Variants in FGF9 observed in about 807,000 individuals in gnomAD.
The protein encoded by FGF9 is fibroblast growth factor 9, also known as fibroblast growth factor 9 (glia-activating factor).
A neutral mutation model predicts 19.9 loss-of-function variants in FGF9; 3 were observed. The ratio of observed to expected loss-of-function variants is 0.15; its 90% CI spans 0.07 to 0.39. FGF9 has a LOEUF of 0.39. Ranked by LOEUF, FGF9 falls within the 10% of genes least tolerant of loss-of-function variation. The pLI is 1.00. For missense variants in FGF9, 175 were observed against 256.8 expected (o/e 0.68, Z 2.18); for synonymous variants, 107 against 106.9 (o/e 1.00, Z -0.01).
Position 21,672,279 on chromosome 13 carries a change from G to A in FGF9, c.277+90G>A. The stretch of plus-strand genomic sequence containing the variant: ...GGTGGTGGCCGGGTGGGGGACGTGG[G>A]AAGGGTTCTCCCCTCCTCCCCTCTT... On this transcript the variant is annotated intron_variant, in intron 1 of 2. Coordinates refer to ENST00000382353, the MANE Select transcript of FGF9 (RefSeq NM_002010.3). The surrounding 1 kb of genome is among the most constrained non-coding windows in gnomAD (Gnocchi z 4.2). 7.1e-7 allele frequency: 1 copy of A among 1,411,250 alleles called. No homozygotes were observed. Among genetic ancestry groups the A allele is most frequent in the Non-Finnish European group, 1.0e-6 (1 of 1,000,370 alleles). The allele number at this position is 1,411,250 out of a possible 1,614,324, so 87.4% of individuals were successfully genotyped here.
intron 2 of FGF9, among the ~76,000 whole-genome samples, chr13:21,698,522 T>C (rs1263909314): frequency 1.3e-5 from 2 of 152,178 alleles, no homozygotes; most frequent in Non-Finnish European, 2.9e-5. Context: ...GAGAACCAGT[T>C]GTAAAGCCCT....
intron 2 of FGF9, among the ~76,000 whole-genome samples, chr13:21,687,491 A>G (rs984645174): frequency 6.6e-6 from 1 of 152,226 alleles, no homozygotes; most frequent in Non-Finnish European, 1.5e-5. Flanking sequence ...AGATCAGTAA[A>G]ATGCACACTG....
Position 21,672,225 on chromosome 13 carries a change from T to C in FGF9, c.277+36T>C, listed in dbSNP as rs762853616. ...CATTAACCCTTTAGTGTCCATGAGA[T>C]GACATGTTGAAATTATAACTACCAA... On this transcript the variant is annotated intron_variant, in intron 1 of 2. Transcript: ENST00000382353. The surrounding 1 kb of genome is among the most constrained non-coding windows in gnomAD (Gnocchi z 4.2). 1 of 1,612,870 alleles carries C rather than the reference T, an allele frequency of 6.2e-7. No homozygotes were observed. Among genetic ancestry groups the C allele is most frequent in the Non-Finnish European group, 8.5e-7 (1 of 1,179,112 alleles).
At chr13:21,677,600 C>T (rs1871946820) in intron 1 of FGF9, among the ~76,000 whole-genome samples, 1 of 152,158 alleles carries the variant, frequency 6.6e-6, no homozygotes, top group African/African-American at 2.4e-5. Flanking sequence ...GATGAGGTTT[C>T]TGGTCTGGTT....
intron 2 of FGF9, among the ~76,000 whole-genome samples, chr13:21,698,072 T>A (rs1319751658): frequency 1.3e-5 from 2 of 152,188 alleles, no homozygotes; most frequent in East Asian, 1.9e-4. Context: ...CCTCCCAAAG[T>A]GCTGGGATTA....
chr13:21,679,381 G>T (rs1307316724), intron 1 of FGF9, among the ~76,000 whole-genome samples: 1 of 152,094 alleles, frequency 6.6e-6, no homozygotes, highest in African/African-American at 2.4e-5. Flanking sequence ...TTTGATTGCA[G>T]TACCAGTGTA....
At position 21,671,461 on chromosome 13, in the gene FGF9, A is replaced by T. The variant is rs886050041; in HGVS notation, c.-452A>T. The T allele has an allele frequency of 2.3e-6, 1 of 435,122 alleles. No homozygotes were observed. Among genetic ancestry groups the T allele is most frequent in the Admixed American group, 3.9e-5 (1 of 25,880 alleles). 27.0% of individuals were successfully genotyped at this position (435,122 alleles called of 1,614,324 possible). ...CAGCGCATGCCTTCCTGGAGTCAGGATCCGTAAATTCTGACGTAGCCCGTG... is the reference window on the plus strand; with the variant it reads ...CAGCGCATGCCTTCCTGGAGTCAGGTTCCGTAAATTCTGACGTAGCCCGTG... On this transcript the variant is annotated 5_prime_UTR_variant, in exon 1 of 3. Coordinates refer to ENST00000382353, the MANE Select transcript of FGF9 (RefSeq NM_002010.3).
chr13:21,687,427 C>A (rs1872187203), intron 2 of FGF9, among the ~76,000 whole-genome samples: 1 of 152,258 alleles, frequency 6.6e-6, no homozygotes. Context: ...CCTTATACTT[C>A]TTTGACAACT....
In FGF9 at chr13:21,701,391, G is replaced by T. The variant is rs369272027; in HGVS notation, c.583G>T (p.Asp195Tyr). ...THFLPRPVDP[D>Y]KVPELYKDIL... ...TTTTTTACCTAGACCAGTGGACCCC[G>T]ACAAAGTACCTGAACTGTATAAGGA... is the stretch of plus-strand genomic sequence containing the variant. Residue 195 changes from aspartate (D) to tyrosine (Y), a missense_variant, in exon 3 of 3, where the codon GAC becomes TAC. Around this residue, in one of 3 missense-constraint regions of FGF9, gnomAD observed 101 missense variants for 160.7 expected, o/e 0.63. Coordinates refer to ENST00000382353, the MANE Select transcript of FGF9 (RefSeq NM_002010.3). The T allele has an allele frequency of 1.9e-6, 3 of 1,613,722 alleles. No homozygotes were observed. Among genetic ancestry groups the T allele is most frequent in the African/African-American group, 1.3e-5 (1 of 74,822 alleles).
In FGF9 at chr13:21,701,412, A is replaced by T; in HGVS notation, c.604A>T (p.Lys202Ter). 6.2e-7 allele frequency: 1 copy of T among 1,614,076 alleles called. No individual in the cohort carries two copies. Among genetic ancestry groups the T allele is most frequent in the African/African-American group, 1.3e-5 (1 of 75,018 alleles). Residue 202 changes from lysine (K) to a stop codon, truncating the protein, a stop_gained, in exon 3 of 3, where the codon AAG becomes TAG. Transcript: ENST00000382353. LOFTEE classifies it high-confidence loss of function. ...CCCCGACAAAGTACCTGAACTGTATAAGGATATTCTAAGCCAAAGTTGACA... is the reference window on the plus strand; with the variant it reads ...CCCCGACAAAGTACCTGAACTGTATTAGGATATTCTAAGCCAAAGTTGACA... ...VDPDKVPELY[K>*]DILSQS
intron 2 of FGF9, among the ~76,000 whole-genome samples, chr13:21,683,018 C>G (rs751284566): frequency 6.6e-6 from 1 of 152,012 alleles, no homozygotes; most frequent in Non-Finnish European, 1.5e-5. Context: ...GCAAAGTAAA[C>G]AATTTTAAAG....
intron 2 of FGF9, among the ~76,000 whole-genome samples, chr13:21,696,731 G>A (rs1326416780): frequency 1.3e-5 from 2 of 152,138 alleles, no homozygotes; most frequent in Non-Finnish European, 2.9e-5. Flanking sequence ...TGATTTTGGA[G>A]TAGAAATACA....
chr13:21,699,811 G>T lies in FGF9; in HGVS notation c.382-1379G>T, dbSNP rs566296786. Among the ~76,000 whole-genome samples the T allele has an allele frequency of 5.9e-5, 9 of 152,204 alleles. No homozygotes were observed. In the South Asian group the frequency reaches 1.9e-3, roughly 32 times the overall value. On this transcript the variant is annotated intron_variant, in intron 2 of 2. Transcript: ENST00000382353. The stretch of plus-strand genomic sequence containing the variant: ...GCTTGTTTTCTTATTTATATAAGGC[G>T]CCAGGTAGGTAAGAGAAAAGAAACT...
intron 2 of FGF9, among the ~76,000 whole-genome samples, chr13:21,692,685 C>T (rs1034209075): frequency 6.6e-6 from 1 of 152,196 alleles, no homozygotes; most frequent in African/African-American, 2.4e-5. Flanking sequence ...GTCACGCTCC[C>T]AAGTGTGTGG....
intron 1 of FGF9, among the ~76,000 whole-genome samples, chr13:21,677,164 C>T (rs1871936999): frequency 6.6e-6 from 1 of 152,082 alleles, no homozygotes. Flanking sequence ...CCCATGTCAC[C>T]CTATCACTAC....
chr13:21,675,485 G>A (rs1425308888), intron 1 of FGF9, among the ~76,000 whole-genome samples: 1 of 151,942 alleles, frequency 6.6e-6, no homozygotes, highest in Non-Finnish European at 1.5e-5. Context: ...GCGGAGGGAG[G>A]GCACAGGCGC....
At chr13:21,678,536 C>A (rs17070127) in intron 1 of FGF9, among the ~76,000 whole-genome samples, 106 of 152,260 alleles carry the variant, frequency 7.0e-4, no homozygotes, top group African/African-American at 2.5e-3. Context: ...TTACAATTAT[C>A]ATTGCTGCTG....
intron 2 of FGF9, among the ~76,000 whole-genome samples, chr13:21,693,329 T>C (rs1872335116): frequency 6.6e-6 from 1 of 152,010 alleles, no homozygotes; most frequent in Admixed American, 6.6e-5. Context: ...AGGGACAGCC[T>C]CATCTCCCTT....
intron 2 of FGF9, among the ~76,000 whole-genome samples, chr13:21,687,735 A>G (rs925276516): frequency 6.6e-6 from 1 of 152,206 alleles, no homozygotes; most frequent in Non-Finnish European, 1.5e-5. Context: ...CGATGTACTC[A>G]GTGTGCCTTT....
Sources: allele counts gnomAD v4.1 joint callset (sites outside exome capture counted in the v4.1 genomes callset), GRCh38; gene constraint gnomAD v4.1.1; regional missense constraint gnomAD v4.1.1; non-coding constraint Gnocchi (gnomAD v3.1); transcripts MANE v1.5; gene names NCBI Gene and HGNC (gene_info 2026-07-23, HGNC 2026-07-21).